Variants in CDYL observed in about 807,000 individuals in gnomAD.
CDYL encodes the protein chromodomain Y-like protein.
In CDYL, 8 loss-of-function variants were observed where a neutral mutation model predicts 47.3. The ratio of observed to expected loss-of-function variants is 0.17; its 90% CI spans 0.10 to 0.31. The LOEUF is 0.31. CDYL is among the 10% of genes least tolerant of loss of function. CDYL has a pLI of 1.00. For missense variants in CDYL, 471 were observed against 701.4 expected, an observed-to-expected ratio of 0.67 and a Z score of 3.71; for synonymous variants, 266 against 265.0, an observed-to-expected ratio of 1.00 and a Z score of -0.04.
chr6:4,903,662 C>T lies in CDYL; in HGVS notation c.691+11283C>T, dbSNP rs1361673586. On this transcript the variant is annotated intron_variant, in intron 2 of 6. Coordinates refer to ENST00000397588, the MANE Select transcript of CDYL (RefSeq NM_004824.4). ...TCTGGCCCCAGTGGAGCCCCAGGCT[C>T]ACCTCCCCTCTCCCGCTTTGTGTGC... Among the ~76,000 whole-genome samples the T allele has an allele frequency of 2.0e-5, 3 of 152,170 alleles. No homozygotes were observed. The East Asian group carries it at 5.8e-4, about 29-fold the overall frequency.
At chr6:4,739,918 A>C (rs984211467) in intron 3 of CDYL, among the ~76,000 whole-genome samples, 1 of 152,030 alleles carries the variant, frequency 6.6e-6, no homozygotes, top group South Asian at 2.1e-4. Flanking sequence ...ATGCCATTGC[A>C]CTCCAGCCTG....
chr6:4,832,266 T>C (rs910584152), intron 1 of CDYL, among the ~76,000 whole-genome samples: 4 of 152,206 alleles, frequency 2.6e-5, no homozygotes, highest in African/African-American at 9.7e-5. Flanking sequence ...ACCTAATTTA[T>C]TGAGAGTTTT....
chr6:4,716,120 T>G (rs1452546581), intron 2 of CDYL, among the ~76,000 whole-genome samples: 1 of 151,782 alleles, frequency 6.6e-6, no homozygotes, highest in Admixed American at 6.6e-5. Context: ...GTGGTGTGGG[T>G]GCCTGTAGTC....
chr6:4,752,930 T>C lies in CDYL; in HGVS notation c.186+18086T>C, dbSNP rs527478955. On this transcript the variant is annotated intron_variant, in intron 3 of 8. Transcript: ENST00000328908. ...TAGGTAGATAGATAGATAGATTTTT[T>C]TTTTTAAGACAGCATCTCACTCTGT... 3.3e-5 allele frequency among the ~76,000 whole-genome samples: 5 copies of C among 152,094 alleles called. No individual in the cohort carries two copies. The South Asian group carries it at 1.0e-3, about 32-fold the overall frequency.
chr6:4,842,857 A>G (rs1033053588), intron 1 of CDYL, among the ~76,000 whole-genome samples: 2 of 152,042 alleles, frequency 1.3e-5, no homozygotes, highest in African/African-American at 4.8e-5. Flanking sequence ...TGTTATTGCT[A>G]TATAGTTCCT....
At chr6:4,921,781 C>T (rs1226268224) in intron 2 of CDYL, among the ~76,000 whole-genome samples, 2 of 152,000 alleles carry the variant, frequency 1.3e-5, no homozygotes, top group Admixed American at 6.6e-5. Context: ...CATAGTACCT[C>T]GACATGCCAT....
chr6:4,814,413 C>T (rs1759613641), intron 1 of CDYL, among the ~76,000 whole-genome samples: 1 of 152,162 alleles, frequency 6.6e-6, no homozygotes, highest in African/African-American at 2.4e-5. Context: ...TATGCAGAGT[C>T]AACCTAAGAG....
intron 1 of CDYL, among the ~76,000 whole-genome samples, chr6:4,805,461 G>A (rs1007712482): frequency 2.0e-5 from 3 of 152,186 alleles, no homozygotes; most frequent in Non-Finnish European, 4.4e-5. Context: ...CCAGAGAAAC[G>A]AACCCATAGG....
chr6:4,728,310 A>G (rs1042442839), intron 2 of CDYL, among the ~76,000 whole-genome samples: 1 of 152,050 alleles, frequency 6.6e-6, no homozygotes, highest in South Asian at 2.1e-4. Context: ...TGAAGCCACC[A>G]CCCCTGAGGC....
intron 1 of CDYL, among the ~76,000 whole-genome samples, chr6:4,835,145 C>G (rs1244547656): frequency 2.6e-5 from 4 of 152,184 alleles, no homozygotes; most frequent in African/African-American, 4.8e-5. Flanking sequence ...AGGAGAGGTG[C>G]TCTGCTTTTT....
At chr6:4,827,328 G>T (rs1338558139) in intron 1 of CDYL, among the ~76,000 whole-genome samples, 1 of 152,084 alleles carries the variant, frequency 6.6e-6, no homozygotes, top group Non-Finnish European at 1.5e-5. Context: ...GTTGCTATTT[G>T]TTTTCTGCCT....
At chr6:4,899,057 G>T (rs1161008925) in intron 2 of CDYL, among the ~76,000 whole-genome samples, 1 of 152,092 alleles carries the variant, frequency 6.6e-6, no homozygotes, top group Non-Finnish European at 1.5e-5. Flanking sequence ...TAGCCTTTTT[G>T]ATTTTTCTCA....
At chr6:4,895,367 A>ATGCATGTATGTGCATATG (rs1762224868) in intron 2 of CDYL, among the ~76,000 whole-genome samples, 1 of 7,456 alleles carries the variant, frequency 1.3e-4, no homozygotes, top group African/African-American at 1.5e-4. Flanking sequence ...ATGTGCATAT[A>ATGCATGTATGTGCATATG]TGCATGTATG....
At chr6:4,761,679 G>C (rs765420656) in intron 3 of CDYL, among the ~76,000 whole-genome samples, 6 of 152,214 alleles carry the variant, frequency 3.9e-5, no homozygotes, top group Non-Finnish European at 5.9e-5. Flanking sequence ...CTACTTATGT[G>C]GTAGTATTCA....
intron 1 of CDYL, chr6:4,836,410 G>C (rs1447954558): frequency 6.5e-6 from 2 of 307,608 alleles, no homozygotes; most frequent in African/African-American, 4.5e-5. Context: ...GTTTGCTTCA[G>C]TTTACTTTTT....
At chr6:4,898,501 A>C (rs376548424) in intron 2 of CDYL, among the ~76,000 whole-genome samples, 2 of 152,300 alleles carry the variant, frequency 1.3e-5, no homozygotes, top group African/African-American at 4.8e-5. Context: ...ACCCACTTAC[A>C]CAAGGAAAGG....
chr6:4,788,325 G>A (rs1457844572), intron 1 of CDYL, among the ~76,000 whole-genome samples: 1 of 151,660 alleles, frequency 6.6e-6, no homozygotes, highest in Non-Finnish European at 1.5e-5. Flanking sequence ...CCGCGTTTCT[G>A]CTAAACAAAA....
intron 2 of CDYL, among the ~76,000 whole-genome samples, chr6:4,907,556 C>A (rs1252140672): frequency 6.6e-6 from 1 of 151,968 alleles, no homozygotes; most frequent in Non-Finnish European, 1.5e-5. Context: ...GGGGTTTCAC[C>A]ATCTCTACAA....
chr6:4,771,274 C>T (rs530741553), intron 3 of CDYL, among the ~76,000 whole-genome samples: 26 of 152,152 alleles, frequency 1.7e-4, no homozygotes, highest in Admixed American at 7.2e-4. Context: ...CCACCACACC[C>T]GGCTAATTTT....
Sources: allele counts gnomAD v4.1 joint callset (sites outside exome capture counted in the v4.1 genomes callset), GRCh38; gene constraint gnomAD v4.1.1; transcripts MANE v1.5; gene names NCBI Gene and HGNC (gene_info 2026-07-23, HGNC 2026-07-21).